Variants in LAMA2 observed in about 807,000 individuals in gnomAD.
LAMA2 encodes laminin subunit alpha 2, also known as laminin subunit alpha-2.
LAMA2 carries 269 observed loss-of-function variants against 364.8 expected under a neutral mutation model. The observed-to-expected ratio is 0.74, with a 90% CI of 0.67 to 0.82. The LOEUF (loss-of-function observed/expected upper bound fraction) is 0.82. LAMA2 is among the 40% of genes least tolerant of loss of function. LAMA2 has a pLI of 0.00. For missense variants in LAMA2, 3,807 were observed against 3,873.2 expected (o/e 0.98, Z 0.45); for synonymous variants, 1,379 against 1,370.6 (o/e 1.01, Z -0.14).
chr6:129,453,456 T>C (rs571992706), intron 46 of LAMA2, among the ~76,000 whole-genome samples: 18 of 152,332 alleles, frequency 1.2e-4, no homozygotes, highest in Non-Finnish European at 2.4e-4. Flanking sequence ...TTCTTATTTA[T>C]TTATCTTATT....
chr6:129,234,107 C>T (rs930037810), intron 12 of LAMA2, among the ~76,000 whole-genome samples: 11 of 151,814 alleles, frequency 7.2e-5, no homozygotes, highest in Admixed American at 3.9e-4. Context: ...GATGGGAGGC[C>T]GGAACAAATT....
chr6:129,257,195 A>G (rs1205484342), intron 14 of LAMA2, among the ~76,000 whole-genome samples: 1 of 152,066 alleles, frequency 6.6e-6, no homozygotes, highest in Non-Finnish European at 1.5e-5. Flanking sequence ...CAAGAGAATG[A>G]CCATACTGAA....
chr6:129,157,784 T>G, intron 8 of LAMA2: 1 of 1,613,184 alleles, frequency 6.2e-7, no homozygotes, highest in Non-Finnish European at 8.5e-7. Flanking sequence ...CGATCCCTCC[T>G]GTGATACAAC....
Position 129,369,942 on chromosome 6 carries a change from G to A in LAMA2, c.4911G>A (p.Glu1637=), listed in dbSNP as rs2114627350. The A allele has an allele frequency of 6.2e-7, 1 of 1,614,106 alleles. No individual in the cohort carries two copies. Among genetic ancestry groups the A allele is most frequent in the East Asian group, 2.2e-5 (1 of 44,880 alleles). ...CAGAGAGGCTTATTCAGCTGGCAGA[G>A]GGCAATCTGAATACACTCGTGACCG... ...RAPERLIQLA[E]GNLNTLVTEM... is the part of the protein sequence containing the mutation. The change falls in exon 34 of 65, where the codon GAG becomes GAA. Residue 1637 remains glutamate (E), a synonymous_variant. Coordinates refer to ENST00000421865, the MANE Select transcript of LAMA2 (RefSeq NM_000426.4).
chr6:129,224,480 G>A (rs1301637690), intron 12 of LAMA2, among the ~76,000 whole-genome samples: 2 of 152,068 alleles, frequency 1.3e-5, no homozygotes, highest in Non-Finnish European at 2.9e-5. Context: ...TTGGCTGTGG[G>A]TTTGTCATAG....
At chr6:129,214,755 G>T (rs759866288) in intron 12 of LAMA2, among the ~76,000 whole-genome samples, 9 of 152,032 alleles carry the variant, frequency 5.9e-5, no homozygotes, top group Non-Finnish European at 1.2e-4. Flanking sequence ...TGATGTGTTG[G>T]CTGTTCTTGG....
intron 1 of LAMA2, among the ~76,000 whole-genome samples, chr6:129,004,403 T>TA (rs1784300718): frequency 4.6e-5 from 1 of 21,716 alleles, no homozygotes; most frequent in African/African-American, 3.4e-4. Flanking sequence ...TAGAGTATAA[T>TA]AATAAAAAAA....
At chr6:129,465,439 A>G in intron 51 of LAMA2, 150 bp downstream of exon 51, 1 of 706,630 alleles carries the variant, frequency 1.4e-6, no homozygotes, top group South Asian at 1.6e-5. Context: ...GGCTTAGATT[A>G]TAGGTGATTT....
At chr6:129,205,086 CA>C (rs138906351) in intron 12 of LAMA2, among the ~76,000 whole-genome samples, 45 of 148,820 alleles carry the variant, frequency 3.0e-4, no homozygotes, top group Admixed American at 9.4e-4. Flanking sequence ...TGATGCAATC[CA>C]AAAAAAAAAT....
chr6:129,430,946 G>A (rs950637148), intron 41 of LAMA2, among the ~76,000 whole-genome samples: 1 of 152,034 alleles, frequency 6.6e-6, no homozygotes, highest in African/African-American at 2.4e-5. Context: ...GGAAGAAGTA[G>A]ACCTTGGTTT....
intron 1 of LAMA2, among the ~76,000 whole-genome samples, chr6:128,899,140 T>C (rs1338708404): frequency 6.6e-6 from 1 of 152,218 alleles, no homozygotes; most frequent in Non-Finnish European, 1.5e-5. Context: ...ATAAATTTTG[T>C]TATAAAATGG....
At chr6:129,363,028 T>G (rs1777555530) in intron 32 of LAMA2, among the ~76,000 whole-genome samples, 1 of 152,138 alleles carries the variant, frequency 6.6e-6, no homozygotes, top group African/African-American at 2.4e-5. Flanking sequence ...TGGAATATTT[T>G]TAAAATACAG....
chr6:129,336,407 G>A (rs770114676), intron 29 of LAMA2, among the ~76,000 whole-genome samples: 2 of 152,076 alleles, frequency 1.3e-5, no homozygotes, highest in Non-Finnish European at 2.9e-5. Context: ...AAAATATCAA[G>A]TTTATCAGAC....
At chr6:128,967,592 T>C (rs560469499) in intron 1 of LAMA2, among the ~76,000 whole-genome samples, 5 of 152,320 alleles carry the variant, frequency 3.3e-5, no homozygotes, top group African/African-American at 1.2e-4. Flanking sequence ...ATTTGACAGA[T>C]GTTTAAAAGT....
chr6:129,314,202 A>C (rs565833586), intron 23 of LAMA2, among the ~76,000 whole-genome samples: 1,989 of 152,060 alleles, frequency 0.013, 16 homozygotes, highest in Non-Finnish European at 0.019. Context: ...AGATCGAGAC[A>C]ATCCTGGCTA....
intron 35 of LAMA2, among the ~76,000 whole-genome samples, chr6:129,387,203 T>C (rs935550643): frequency 6.6e-6 from 1 of 152,204 alleles, no homozygotes; most frequent in African/African-American, 2.4e-5. Flanking sequence ...ATGCACAGAA[T>C]GTTCAGGTTT....
intron 38 of LAMA2, among the ~76,000 whole-genome samples, chr6:129,401,700 C>G (rs1779982430): frequency 6.6e-6 from 1 of 152,150 alleles, no homozygotes; most frequent in East Asian, 1.9e-4. Context: ...CATGTAATGT[C>G]TAATGCATTA....
chr6:129,152,186 A>G (rs890611684), intron 7 of LAMA2, among the ~76,000 whole-genome samples: 2 of 152,224 alleles, frequency 1.3e-5, no homozygotes, highest in African/African-American at 4.8e-5. Flanking sequence ...AGATAATGAC[A>G]CTCATAATGA....
rs185552808 is a variant in LAMA2, at chr6:128,893,537, T to C, written c.112+10180T>C. Among the ~76,000 whole-genome samples, 4 of 152,094 alleles carry C rather than the reference T, an allele frequency of 2.6e-5. No homozygotes were observed. In the East Asian group the frequency reaches 7.7e-4, roughly 29 times the overall value. On this transcript the variant is annotated intron_variant, in intron 1 of 64. Coordinates refer to ENST00000421865, the MANE Select transcript of LAMA2 (RefSeq NM_000426.4). ...ACAAATTATTTGTTTAGTAAACATA[T>C]ACATACTACTGCATAAGAAGAAAAT...
Sources: allele counts gnomAD v4.1 joint callset (sites outside exome capture counted in the v4.1 genomes callset), GRCh38; gene constraint gnomAD v4.1.1; transcripts MANE v1.5; gene names NCBI Gene and HGNC (gene_info 2026-07-23, HGNC 2026-07-21).